The following WNK1 variants were observed in gnomAD, a reference collection of about 807,000 sequenced individuals.
WNK1 encodes the protein serine/threonine-protein kinase WNK1.
In WNK1, 38 loss-of-function variants were observed where a neutral mutation model predicts 222.8. The ratio of observed to expected loss-of-function variants is 0.17; its 90% CI spans 0.13 to 0.22. WNK1 has a LOEUF of 0.22. WNK1 is among the 10% of genes least tolerant of loss of function. The pLI, the probability that WNK1 is intolerant of heterozygous loss-of-function variation, is 1.00. For synonymous variants in WNK1, 1,090 were observed against 1,092.9 expected (o/e 1.00, Z 0.05); for missense variants, 2,348 against 2,918.4 (o/e 0.80, Z 4.50).
chr12:883,841 T>G lies in WNK1; in HGVS notation c.3721+10T>G. The G allele has an allele frequency of 6.2e-7, 1 of 1,613,554 alleles. No individual in the cohort carries two copies. Among genetic ancestry groups the G allele is most frequent in the Non-Finnish European group, 8.5e-7 (1 of 1,180,010 alleles). On this transcript the variant is annotated intron_variant, in intron 17 of 27. Transcript: ENST00000315939. ...ATGCCACAGCAAATAGGTGAATTTATTTTCTTTCCTTGTTTTTACCTTTGA... is the reference window on the plus strand; with the variant it reads ...ATGCCACAGCAAATAGGTGAATTTAGTTTCTTTCCTTGTTTTTACCTTTGA...
intron 21 of WNK1, 69 bp from the exon 22 acceptor site, chr12:890,384 G>C (rs1304824108): frequency 6.4e-7 from 1 of 1,555,926 alleles, no homozygotes; most frequent in African/African-American, 1.4e-5. Flanking sequence ...CCATAGGAAA[G>C]GCAACGAGGC....
chr12:813,844 C>T (rs373944196), intron 2 of WNK1, 30 bp downstream of exon 2: 127 of 1,609,368 alleles, frequency 7.9e-5, no homozygotes, highest in Middle Eastern at 1.6e-4. Flanking sequence ...AAAAGCTGAC[C>T]AAGAAGTATG....
At position 766,975 on chromosome 12, in the gene WNK1, A is replaced by C. The variant is rs147691414; in HGVS notation, c.759+12651A>C. ...TGTTTTTAGTAGAGACAGGGTTTCA[A>C]CATGTTGGCCAGGCTGATCTTGAAC... On this transcript the variant is annotated intron_variant, in intron 1 of 27. Coordinates refer to ENST00000315939, the MANE Select transcript of WNK1 (RefSeq NM_018979.4). Among the ~76,000 whole-genome samples, 388 of 150,818 alleles carry C rather than the reference A, an allele frequency of 2.6e-3. 1 individual carries two copies. Among genetic ancestry groups the C allele is most frequent in the African/African-American group, 9.2e-3 (379 of 41,010 alleles).
At chr12:842,132 A>G (rs1238121512) in intron 4 of WNK1, among the ~76,000 whole-genome samples, 2 of 152,232 alleles carry the variant, frequency 1.3e-5, no homozygotes, top group Non-Finnish European at 2.9e-5. Flanking sequence ...AAATATAGTC[A>G]AAATCAGACA....
rs1186233666 is a variant in WNK1, at chr12:865,130, G to C, written c.2139+2860G>C. On this transcript the variant is annotated intron_variant, in intron 8 of 27. Transcript: ENST00000315939. ...TTGAGCCTCGTCGTGGCCGTAGCAT[G>C]TCGGTTTGTGTTCCCATCTTTCTGC... The C allele has an allele frequency of 3.3e-6, 5 of 1,514,920 alleles. No homozygotes were observed. The highest frequency in any genetic ancestry group is 4.4e-6 in the Non-Finnish European group (5 of 1,134,638). 93.8% of individuals were successfully genotyped at this position (1,514,920 alleles called of 1,614,324 possible).
chr12:874,000 T>G (rs1027995476), intron 9 of WNK1, among the ~76,000 whole-genome samples: 36 of 151,970 alleles, frequency 2.4e-4, no homozygotes, highest in African/African-American at 8.0e-4. Flanking sequence ...AAAAGCTTTG[T>G]GACCACAAAC....
chr12:902,035 C>T (rs952163995), intron 26 of WNK1, among the ~76,000 whole-genome samples: 7 of 151,820 alleles, frequency 4.6e-5, no homozygotes, highest in Non-Finnish European at 4.4e-5. Context: ...CGGTGGCGTA[C>T]ACCTGTAATC....
At chr12:882,250 G>A (rs967135790) in intron 14 of WNK1, among the ~76,000 whole-genome samples, 177 bp downstream of exon 14, 1 of 151,974 alleles carries the variant, frequency 6.6e-6, no homozygotes, top group African/African-American at 2.4e-5. Context: ...AGGCTGGAGT[G>A]CAGTGGCATG....
At chr12:835,811 G>T (rs956464443) in intron 4 of WNK1, among the ~76,000 whole-genome samples, 3 of 152,132 alleles carry the variant, frequency 2.0e-5, no homozygotes, top group African/African-American at 7.2e-5. Context: ...AAAATTAGCT[G>T]GGCATGATGG....
chr12:837,173 AGG>A (rs1223535540), intron 4 of WNK1, among the ~76,000 whole-genome samples: 2 of 152,252 alleles, frequency 1.3e-5, no homozygotes, highest in Non-Finnish European at 2.9e-5. Flanking sequence ...GATAAGAAAA[AGG>A]GATGTGACAT....
At position 865,057 on chromosome 12, in the gene WNK1, A is replaced by G. The variant is rs539215620; in HGVS notation, c.2139+2787A>G. ...CCCTGTTATCATTGTACTTTTGTTT[A>G]TTTTGTTTTCACAGTACTGTGTTTT... On this transcript the variant is annotated intron_variant, in intron 8 of 27. Transcript: ENST00000315939. 7.0e-6 allele frequency: 10 copies of G among 1,437,854 alleles called. No individual in the cohort carries two copies. In the African/African-American group the frequency reaches 1.3e-4, roughly 19 times the overall value. The allele number at this position is 1,437,854 out of a possible 1,614,324, so 89.1% of individuals were successfully genotyped here.
intron 8 of WNK1, chr12:868,504 C>A: frequency 6.2e-7 from 1 of 1,614,032 alleles, no homozygotes; most frequent in Non-Finnish European, 8.5e-7. Flanking sequence ...GATCTCCCCT[C>A]TCTAGTATTT....
At chr12:879,538 AAGCCTGTCTG>A in intron 10 of WNK1, 25 bp from the exon 11 acceptor site, 1 of 719,278 alleles carries the variant, frequency 1.4e-6, no homozygotes. Context: ...TTTTTTTTTT[AAGCCTGTCTG>A]TTTTGTTTTT....
intron 11 of WNK1, among the ~76,000 whole-genome samples, chr12:880,452 G>A (rs865899443): frequency 2.0e-4 from 31 of 152,152 alleles, no homozygotes; most frequent in African/African-American, 9.7e-5. Flanking sequence ...TGGCTAGGAA[G>A]AAATTGTGTT....
rs1453462450 is a variant in WNK1 at position 826,934 on chromosome 12, G to A, written c.933-108G>A. On this transcript the variant is annotated intron_variant, in intron 2 of 27. Coordinates refer to ENST00000315939, the MANE Select transcript of WNK1 (RefSeq NM_018979.4). The stretch of plus-strand genomic sequence containing the variant: ...CTTTAGTGTTACTGAATCTTAGTAT[G>A]CTAAATTTGATATTCCCATCTCCAG... The A allele has an allele frequency of 6.0e-6, 5 of 832,916 alleles. No individual in the cohort carries two copies. The African/African-American group carries it at 6.8e-5, about 11-fold the overall frequency. The allele number at this position is 832,916 out of a possible 1,614,324, so 51.6% of individuals were successfully genotyped here.
intron 8 of WNK1, among the ~76,000 whole-genome samples, chr12:870,832 A>C (rs1358238150): frequency 6.6e-6 from 1 of 152,198 alleles, no homozygotes; most frequent in Non-Finnish European, 1.5e-5. Flanking sequence ...CTTTTGATAA[A>C]AGTCATTGTG....
intron 1 of WNK1, among the ~76,000 whole-genome samples, chr12:790,721 A>AT (rs1944754034): frequency 6.6e-6 from 1 of 152,192 alleles, no homozygotes; most frequent in South Asian, 2.1e-4. Flanking sequence ...TTGATGTCTC[A>AT]TATCTTAGTG....
chr12:813,582 A>G, intron 1 of WNK1, 60 bp from the exon 2 acceptor site: 1 of 1,559,374 alleles, frequency 6.4e-7, no homozygotes, highest in African/African-American at 1.4e-5. Context: ...TCTAAGATTA[A>G]CTGTCTGATT....
chr12:836,288 G>A (rs1312995416), intron 4 of WNK1, among the ~76,000 whole-genome samples: 1 of 152,148 alleles, frequency 6.6e-6, no homozygotes, highest in Non-Finnish European at 1.5e-5. Context: ...TGTGACTCCT[G>A]AGCCTTAATT....
Sources: allele counts gnomAD v4.1 joint callset (sites outside exome capture counted in the v4.1 genomes callset), GRCh38; gene constraint gnomAD v4.1.1; transcripts MANE v1.5; gene names NCBI Gene and HGNC (gene_info 2026-07-23, HGNC 2026-07-21).